The following GRIP1 variants were observed in gnomAD, a reference collection of about 807,000 sequenced individuals.
GRIP1 encodes glutamate receptor interacting protein 1.
GRIP1 carries 45 observed loss-of-function variants against 129.9 expected under a neutral mutation model. That is an observed-to-expected ratio of 0.35 (90% CI 0.27 to 0.44). The LOEUF (loss-of-function observed/expected upper bound fraction) is 0.44. Ranked by LOEUF, GRIP1 falls within the 20% of genes least tolerant of loss-of-function variation. The probability of loss-of-function intolerance (pLI) is 1.00; values close to 1 mark genes in which losing one functional copy is unlikely to be tolerated. For synonymous variants in GRIP1, 530 were observed against 520.8 expected (o/e 1.02, Z -0.24); for missense variants, 1,196 against 1,396.8 (o/e 0.86, Z 2.29).
At chr12:66,412,410 T>A (rs1309889188) in intron 15 of GRIP1, among the ~76,000 whole-genome samples, 2 of 152,082 alleles carry the variant, frequency 1.3e-5, no homozygotes, top group South Asian at 2.1e-4. Context: ...AGAAATAAGA[T>A]CCTTTTCGGA....
intron 2 of GRIP1, among the ~76,000 whole-genome samples, chr12:66,544,441 G>A (rs1167401698): frequency 6.6e-6 from 1 of 152,194 alleles, no homozygotes; most frequent in Admixed American, 6.5e-5. Flanking sequence ...CATACAGCAT[G>A]AGTTGTAGGG....
chr12:66,354,383 G>A (rs1173546301), intron 23 of GRIP1, among the ~76,000 whole-genome samples: 1 of 152,154 alleles, frequency 6.6e-6, no homozygotes, highest in Non-Finnish European at 1.5e-5. Flanking sequence ...CTACCATATT[G>A]TAAGCACAGC....
At position 66,554,109 on chromosome 12, in the gene GRIP1, C is replaced by T. The variant is rs181872741; in HGVS notation, c.137-12159G>A. Among the ~76,000 whole-genome samples, 687 of 152,218 alleles carry T rather than the reference C, an allele frequency of 4.5e-3. 3 individuals carry two copies. The highest frequency in any genetic ancestry group is 6.7e-3 in the Admixed American group (102 of 15,288). ...AAGGGAGTGCTTGCACCACTCCTCC[C>T]CCAAGCCCAGGCAGCACAGTTTGCA... On this transcript the variant is annotated intron_variant, in intron 2 of 24. Coordinates refer to ENST00000359742, the MANE Select transcript of GRIP1 (RefSeq NM_001366722.1).
intron 1 of GRIP1, among the ~76,000 whole-genome samples, chr12:66,960,858 G>C (rs1020867664): frequency 1.3e-5 from 2 of 152,172 alleles, no homozygotes; most frequent in Admixed American, 6.5e-5. Flanking sequence ...AATGAAACGC[G>C]AGCTTTTAGG....
chr12:66,971,072 G>T (rs555410923), intron 1 of GRIP1, among the ~76,000 whole-genome samples: 1 of 152,208 alleles, frequency 6.6e-6, no homozygotes, highest in African/African-American at 2.4e-5. Flanking sequence ...CTGCGCCTAG[G>T]AGTTCCACTC....
intron 20 of GRIP1, among the ~76,000 whole-genome samples, chr12:66,378,303 T>G (rs1474740593): frequency 6.6e-6 from 1 of 151,908 alleles, no homozygotes; most frequent in Non-Finnish European, 1.5e-5. Flanking sequence ...AACACAAAAA[T>G]TAGCTGGGCG....
chr12:66,691,081 A>G (rs2034968109), intron 1 of GRIP1, among the ~76,000 whole-genome samples: 2 of 152,202 alleles, frequency 1.3e-5, no homozygotes, highest in Admixed American at 6.5e-5. Flanking sequence ...TACAAGAATT[A>G]GTCAAGGGTA....
chr12:67,042,915 A>G (rs930706052), intron 1 of GRIP1, among the ~76,000 whole-genome samples: 1 of 152,228 alleles, frequency 6.6e-6, no homozygotes, highest in African/African-American at 2.4e-5. Context: ...TGCAAGTTGC[A>G]ACTGAGTAAG....
chr12:66,716,535 AT>A (rs1259918764), intron 1 of GRIP1, among the ~76,000 whole-genome samples: 4 of 151,062 alleles, frequency 2.6e-5, no homozygotes, highest in African/African-American at 9.7e-5. Flanking sequence ...AAATTTTTAA[AT>A]TTTATTATTA....
At chr12:66,711,198 T>C (rs542387782) in intron 1 of GRIP1, among the ~76,000 whole-genome samples, 2 of 152,014 alleles carry the variant, frequency 1.3e-5, no homozygotes, top group South Asian at 4.2e-4. Context: ...TTAAAAAATC[T>C]ACTTAATAAC....
intron 2 of GRIP1, among the ~76,000 whole-genome samples, chr12:66,582,435 G>T (rs1483924592): frequency 6.7e-6 from 1 of 149,214 alleles, no homozygotes; most frequent in Admixed American, 6.7e-5. Flanking sequence ...GAAATAAAGG[G>T]TATTCAATTA....
intron 1 of GRIP1, among the ~76,000 whole-genome samples, chr12:66,849,687 C>A (rs1455568783): frequency 6.6e-6 from 1 of 152,092 alleles, no homozygotes; most frequent in Admixed American, 6.6e-5. Flanking sequence ...AATGTGAAGC[C>A]CATACTATTT....
intron 1 of GRIP1, among the ~76,000 whole-genome samples, chr12:66,643,260 T>G (rs773765952): frequency 1.3e-5 from 2 of 152,220 alleles, no homozygotes. Flanking sequence ...TTCCTAGAAA[T>G]GCATCCTAAG....
intron 1 of GRIP1, among the ~76,000 whole-genome samples, chr12:66,608,973 T>A (rs895525543): frequency 2.1e-4 from 30 of 144,688 alleles, no homozygotes; most frequent in South Asian, 1.7e-3. Context: ...ATATATATAT[T>A]TTTTTACAGC....
intron 19 of GRIP1, among the ~76,000 whole-genome samples, chr12:66,379,965 G>A (rs1049315833): frequency 6.6e-6 from 1 of 151,848 alleles, no homozygotes; most frequent in East Asian, 1.9e-4. Flanking sequence ...GAGTACAGTG[G>A]TACGATCTCG....
intron 1 of GRIP1, among the ~76,000 whole-genome samples, chr12:66,820,177 G>A (rs531942844): frequency 3.9e-5 from 6 of 152,328 alleles, no homozygotes; most frequent in East Asian, 3.9e-4. Flanking sequence ...TTGGAAGGCC[G>A]AGGTGGGCAT....
At chr12:66,851,867 C>T (rs1321316606) in intron 1 of GRIP1, among the ~76,000 whole-genome samples, 1 of 152,020 alleles carries the variant, frequency 6.6e-6, no homozygotes, top group Non-Finnish European at 1.5e-5. Flanking sequence ...TCTTTTATCC[C>T]AAATCACTTG....
rs1013442061 is a variant in GRIP1, at chr12:66,781,107, T to G, written c.-420+22946A>C. Reference sequence around the variant, plus strand: ...GTAACGGCGATACCACAGTTTTAATTAAATATTCTGTCTCGTGGTAACATT... The same window carrying G: ...GTAACGGCGATACCACAGTTTTAATGAAATATTCTGTCTCGTGGTAACATT... On this transcript the variant is annotated intron_variant, in intron 1 of 4. Transcript: ENST00000538373. Among the ~76,000 whole-genome samples, 9 of 152,218 alleles carry G rather than the reference T, an allele frequency of 5.9e-5. 1 individual carries two copies. Among genetic ancestry groups the G allele is most frequent in the African/African-American group, 2.2e-4 (9 of 41,456 alleles).
At chr12:66,742,799 G>A (rs2904531) in intron 1 of GRIP1, among the ~76,000 whole-genome samples, 13,312 of 152,108 alleles carry the variant, frequency 0.088, 665 homozygotes, top group Admixed American at 0.14. Context: ...ATAAAAAATA[G>A]AGAATGTCAG....
Sources: gnomAD v4.1 joint callset for allele counts (sites outside exome capture counted in the v4.1 genomes callset) on GRCh38, gnomAD v4.1.1 for gene constraint, MANE v1.5 for transcripts, NCBI Gene and HGNC (gene_info 2026-07-23, HGNC 2026-07-21) for gene names.